Variants in ARMH3 observed in about 807,000 individuals in gnomAD.
ARMH3 encodes the protein armadillo-like helical domain-containing protein 3.
A neutral mutation model predicts 99.1 loss-of-function variants in ARMH3; 60 were observed. That is an observed-to-expected ratio of 0.61 (90% confidence interval 0.49 to 0.75). The LOEUF (loss-of-function observed/expected upper bound fraction) is 0.75. Among genes scored for constraint, ARMH3 ranks in the 30% least tolerant of loss-of-function variants. The pLI is 0.00. For missense variants in ARMH3, 679 were observed against 843.1 expected (o/e 0.81, Z 2.41); for synonymous variants, 285 against 292.8 (o/e 0.97, Z 0.27).
At chr10:101,898,255 C>T (rs553415295) in intron 23 of ARMH3, among the ~76,000 whole-genome samples, 1 of 151,246 alleles carries the variant, frequency 6.6e-6, no homozygotes, top group South Asian at 2.1e-4. Context: ...ACTCAGGAGG[C>T]TGAGATGGGA....
intron 16 of ARMH3, among the ~76,000 whole-genome samples, chr10:101,994,088 G>A (rs1445736652): frequency 6.6e-6 from 1 of 152,180 alleles, no homozygotes; most frequent in African/African-American, 2.4e-5. Flanking sequence ...CGTGGAAGCA[G>A]GCAAGACCCT....
chr10:102,045,141 AAAAAAAAAG>A (rs2067517027), intron 1 of ARMH3, among the ~76,000 whole-genome samples: 1 of 151,952 alleles, frequency 6.6e-6, no homozygotes, highest in Non-Finnish European at 1.5e-5. Context: ...AAAAAAAAAA[AAAAAAAAAG>A]AGCGAAACAA....
intron 1 of ARMH3, among the ~76,000 whole-genome samples, chr10:102,053,917 C>CA (rs2067772667): frequency 6.6e-6 from 1 of 152,160 alleles, no homozygotes; most frequent in South Asian, 2.1e-4. Context: ...CTCCGCCTCC[C>CA]AAAGTTACAT....
At chr10:101,944,879 G>A (rs1235607900) in intron 22 of ARMH3, among the ~76,000 whole-genome samples, 2 of 151,900 alleles carry the variant, frequency 1.3e-5, no homozygotes, top group East Asian at 3.8e-4. Flanking sequence ...TGAAAACAAC[G>A]GACCTCTTAC....
In ARMH3 at chr10:101,957,695, C is replaced by T. The variant is rs780511090; in HGVS notation, c.1533G>A (p.Glu511=). 2 of 1,605,782 alleles carry T rather than the reference C, an allele frequency of 1.2e-6. No homozygotes were observed. Among genetic ancestry groups the T allele is most frequent in the Non-Finnish European group, 1.7e-6 (2 of 1,177,584 alleles). Reference sequence around the variant, plus strand: ...TGTTGTGTTTGGCCAAAAGTACAGTCTCATTTGACATAAGGAACTTCAGCA... The same window carrying T: ...TGTTGTGTTTGGCCAAAAGTACAGTTTCATTTGACATAAGGAACTTCAGCA... The part of the protein sequence containing the change: ...INLLKFLMSN[E]TVLLAKHNIF... Residue 511 remains glutamate, a synonymous_variant, in exon 21 of 26, where the codon GAG becomes GAA. Coordinates refer to ENST00000370033, the MANE Select transcript of ARMH3 (RefSeq NM_024541.3).
At chr10:102,010,696 T>C (rs1375864689) in intron 11 of ARMH3, among the ~76,000 whole-genome samples, 3 of 152,226 alleles carry the variant, frequency 2.0e-5, no homozygotes, top group Non-Finnish European at 2.9e-5. Context: ...CACAAACCTA[T>C]GCTCCTAGAG....
chr10:101,864,129 G>C (rs1301246561), intron 24 of ARMH3, among the ~76,000 whole-genome samples: 1 of 133,740 alleles, frequency 7.5e-6, no homozygotes, highest in Non-Finnish European at 1.6e-5. Flanking sequence ...ATTCTCAAAA[G>C]AAGACACATG....
At chr10:102,007,159 CAAA>C (rs10639768) in intron 13 of ARMH3, among the ~76,000 whole-genome samples, 25 of 60,042 alleles carry the variant, frequency 4.2e-4, no homozygotes, top group South Asian at 1.6e-3. Flanking sequence ...GACTCTATCT[CAAA>C]AAAAAAAAAA....
At chr10:102,044,073 C>T (rs2067485214) in intron 1 of ARMH3, among the ~76,000 whole-genome samples, 1 of 150,316 alleles carries the variant, frequency 6.7e-6, no homozygotes, top group African/African-American at 2.4e-5. Flanking sequence ...TGTGCCACCA[C>T]ACCCAGCTAA....
chr10:101,897,007 G>T (rs1272277063), intron 23 of ARMH3, among the ~76,000 whole-genome samples: 1 of 152,230 alleles, frequency 6.6e-6, no homozygotes, highest in African/African-American at 2.4e-5. Flanking sequence ...ATAGGATGTT[G>T]AGGGGGGTGG....
rs2066975003 is a variant in ARMH3, at chr10:102,025,235, C to A, written c.428G>T (p.Ser143Ile). ...TTCTGCACAAAGCAATGAATCCAAA[C>A]TCTCCATCAAGTTCTGAGAAAGAGA... is the stretch of plus-strand genomic sequence containing the variant. ...AELCMKNLME[S>I]LDSLLCAEGS... is the part of the protein sequence containing the mutation. The change falls in exon 6 of 26, where the codon AGT becomes ATT. Residue 143 changes from serine (S) to isoleucine (I), a missense_variant. Physicochemically the swap from Ser to Ile is moderately radical, Grantham distance 142. Coordinates refer to ENST00000370033, the MANE Select transcript of ARMH3 (RefSeq NM_024541.3). 1 of 1,613,624 alleles carries A rather than the reference C, an allele frequency of 6.2e-7. No individual in the cohort carries two copies. The highest frequency in any genetic ancestry group is 1.1e-5 in the South Asian group (1 of 91,076).
intron 20 of ARMH3, among the ~76,000 whole-genome samples, chr10:101,974,587 T>C (rs1218335252): frequency 1.3e-5 from 2 of 152,328 alleles, no homozygotes; most frequent in East Asian, 1.9e-4. Context: ...GAAGAGGCAC[T>C]TCCCCCCTGC....
intron 23 of ARMH3, among the ~76,000 whole-genome samples, chr10:101,918,865 T>C (rs910480124): frequency 2.0e-5 from 3 of 152,226 alleles, no homozygotes; most frequent in African/African-American, 7.2e-5. Flanking sequence ...CACTGATTTC[T>C]GATGAAAAAG....
chr10:101,918,678 T>C (rs958466826), intron 23 of ARMH3, among the ~76,000 whole-genome samples: 6 of 152,222 alleles, frequency 3.9e-5, no homozygotes, highest in Non-Finnish European at 8.8e-5. Flanking sequence ...TAAAATACTA[T>C]GCATTTTTAT....
chr10:101,915,107 C>T (rs1843024012), intron 23 of ARMH3, among the ~76,000 whole-genome samples: 1 of 151,614 alleles, frequency 6.6e-6, no homozygotes, highest in African/African-American at 2.4e-5. Flanking sequence ...TGATTCAAGT[C>T]CTGCTCCAAT....
intron 23 of ARMH3, among the ~76,000 whole-genome samples, chr10:101,933,772 G>C (rs1201047156): frequency 6.6e-6 from 1 of 152,198 alleles, no homozygotes; most frequent in Non-Finnish European, 1.5e-5. Flanking sequence ...CCACCTCAGA[G>C]CAGACAACTG....
At chr10:101,958,849 T>C (rs962581681) in intron 20 of ARMH3, among the ~76,000 whole-genome samples, 2 of 152,088 alleles carry the variant, frequency 1.3e-5, no homozygotes, top group African/African-American at 2.4e-5. Context: ...CTCTCCAGAC[T>C]CTTGCTGCCT....
intron 23 of ARMH3, among the ~76,000 whole-genome samples, chr10:101,907,673 C>T (rs1392323211): frequency 1.3e-5 from 2 of 152,140 alleles, no homozygotes; most frequent in African/African-American, 2.4e-5. Flanking sequence ...CGTGAGCCAC[C>T]GTGCTGGGCC....
intron 1 of ARMH3, among the ~76,000 whole-genome samples, chr10:102,040,334 A>G (rs1366366650): frequency 6.6e-6 from 1 of 152,212 alleles, no homozygotes; most frequent in Non-Finnish European, 1.5e-5. Context: ...GATGTTGTCA[A>G]TAGAGGAGGC....
Sources: allele counts gnomAD v4.1 joint callset (sites outside exome capture counted in the v4.1 genomes callset), GRCh38; gene constraint gnomAD v4.1.1; transcripts MANE v1.5; gene names NCBI Gene and HGNC (gene_info 2026-07-23, HGNC 2026-07-21).